GLIS3: variants seen among roughly 807,000 people sequenced by gnomAD.
The protein encoded by GLIS3 is GLIS family zinc finger 3.
Under a neutral mutation model 78.6 loss-of-function variants are expected in GLIS3, and 53 were observed. That is an observed-to-expected ratio of 0.67 (90% confidence interval 0.54 to 0.85). GLIS3 has a LOEUF of 0.85. Among genes scored for constraint, GLIS3 ranks in the 40% least tolerant of loss-of-function variants. The probability of loss-of-function intolerance (pLI) is 0.00; values close to 1 mark genes in which losing one functional copy is unlikely to be tolerated. For synonymous variants in GLIS3, 684 were observed against 509.9 expected (o/e 1.34, Z -4.60); for missense variants, 1,703 against 1,231.1 (o/e 1.38, Z -5.74).
the GLIS3 span, among the ~76,000 whole-genome samples, chr9:4,432,619 G>A: frequency 2.0e-5 from 3 of 149,662 alleles, no homozygotes; most frequent in Non-Finnish European, 4.4e-5. Flanking sequence ...TTGAAAAACA[G>A]ACTATATTTT....
chr9:4,206,285 A>C (rs1179586914), intron 2 of GLIS3, among the ~76,000 whole-genome samples: 1 of 152,236 alleles, frequency 6.6e-6, no homozygotes, highest in Non-Finnish European at 1.5e-5. Flanking sequence ...CTGTGGAAAG[A>C]AAAAAGCTCA....
intron 2 of GLIS3, among the ~76,000 whole-genome samples, chr9:4,253,418 C>G (rs1035072819): frequency 3.9e-5 from 6 of 152,200 alleles, no homozygotes; most frequent in Non-Finnish European, 7.3e-5. Flanking sequence ...GAGGGGAAAA[C>G]CACCTACTCA....
chr9:4,427,432 C>T, the GLIS3 span, among the ~76,000 whole-genome samples: 1 of 152,120 alleles, frequency 6.6e-6, no homozygotes, highest in Non-Finnish European at 1.5e-5. Context: ...TTCCATCTGA[C>T]ATCAAACTTC....
Position 4,288,788 on chromosome 9 carries a change from G to T in GLIS3, c.-98-2265C>A, listed in dbSNP as rs538286384. 4.6e-5 allele frequency among the ~76,000 whole-genome samples: 7 copies of T among 152,062 alleles called. No homozygotes were observed. The South Asian group carries it at 1.5e-3, about 32-fold the overall frequency. ...AAATTTTATTACTAAGAAAGCAACA[G>T]CCAGAAAGTAAAGTGATTAATACCA... is the stretch of plus-strand genomic sequence containing the variant. On this transcript the variant is annotated intron_variant, in intron 1 of 10. Transcript: ENST00000381971.
At chr9:3,924,239 TC>T (rs1179446399) in intron 6 of GLIS3, among the ~76,000 whole-genome samples, 3 of 152,212 alleles carry the variant, frequency 2.0e-5, no homozygotes, top group Non-Finnish European at 4.4e-5. Context: ...GGAAAATATT[TC>T]CAAGGATATT....
At chr9:4,411,264 C>T in the GLIS3 span, among the ~76,000 whole-genome samples, 1 of 152,154 alleles carries the variant, frequency 6.6e-6, no homozygotes, top group Non-Finnish European at 1.5e-5. Flanking sequence ...ATAATGACTT[C>T]TGTCCTTCAC....
chr9:4,484,270 C>G, the GLIS3 span, among the ~76,000 whole-genome samples: 1 of 148,278 alleles, frequency 6.7e-6, no homozygotes, highest in Non-Finnish European at 1.5e-5. Flanking sequence ...CGGAGTCTCG[C>G]TCTGTCGCCC....
intron 4 of GLIS3, chr9:4,071,490 C>G (rs534498994): frequency 6.6e-6 from 1 of 152,300 alleles, no homozygotes; most frequent in South Asian, 2.1e-4. Flanking sequence ...TTGAAATAAA[C>G]TATTTCTAAT....
the GLIS3 span, among the ~76,000 whole-genome samples, chr9:4,459,558 G>A: frequency 6.6e-6 from 1 of 152,380 alleles, no homozygotes; most frequent in South Asian, 2.1e-4. Context: ...AAGCCCAGGA[G>A]CTCGTGACCA....
In GLIS3 at chr9:4,016,687, ATGTGGACTTGAAAACACTCCTCCAC is replaced by A. The variant is rs555462509; in HGVS notation, c.1711-79523_1711-79499del. Among the ~76,000 whole-genome samples the A allele has an allele frequency of 2.5e-3, 379 of 152,288 alleles. 7 individuals are homozygous for A. The highest frequency in any genetic ancestry group is 0.023 in the Admixed American group (349 of 15,296). On this transcript the variant is annotated intron_variant, in intron 4 of 10. Coordinates refer to ENST00000381971, the MANE Select transcript of GLIS3 (RefSeq NM_001042413.2). ...GTCTTTCCACAATTGCTCTGCTCTG[ATGTGGACTTGAAAACACTCCTCCAC>A]ATGGATGCACTAAATCACCCAGCAT...
intron 4 of GLIS3, among the ~76,000 whole-genome samples, chr9:3,994,893 A>G (rs909832896): frequency 3.3e-5 from 5 of 149,648 alleles, no homozygotes; most frequent in African/African-American, 1.3e-4. Flanking sequence ...GGAATGCCTC[A>G]GAGGCCAGAA....
intron 2 of GLIS3, among the ~76,000 whole-genome samples, chr9:4,135,126 TA>T (rs1021655568): frequency 2.6e-5 from 4 of 152,228 alleles, no homozygotes; most frequent in African/African-American, 7.2e-5. Flanking sequence ...ATTTCATCCC[TA>T]AGGTTTATTA....
chr9:4,126,051 T>C (rs1832551189), intron 2 of GLIS3, 110 bp from the exon 3 acceptor site: 3 of 835,618 alleles, frequency 3.6e-6, no homozygotes, highest in Non-Finnish European at 2.0e-6. Context: ...AGTCCTCAGA[T>C]CATTTTTTTT....
At chr9:3,843,529 T>A (rs1818849565) in intron 9 of GLIS3, among the ~76,000 whole-genome samples, 1 of 152,222 alleles carries the variant, frequency 6.6e-6, no homozygotes, top group African/African-American at 2.4e-5. Context: ...GTTATCTCCA[T>A]CTGGCTACCA....
At chr9:4,265,375 G>A (rs867840717) in intron 2 of GLIS3, among the ~76,000 whole-genome samples, 1 of 146,160 alleles carries the variant, frequency 6.8e-6, no homozygotes, top group Non-Finnish European at 1.5e-5. Context: ...AGGTTTCTAT[G>A]AGGTAGGTAC....
At chr9:4,321,022 G>C (rs1010178064) in intron 2 of GLIS3, among the ~76,000 whole-genome samples, 1 of 151,802 alleles carries the variant, frequency 6.6e-6, no homozygotes, top group African/African-American at 2.4e-5. Context: ...CTAGACCCCA[G>C]CCATTTCTGC....
chr9:4,149,325 C>G (rs1586812869), intron 2 of GLIS3, among the ~76,000 whole-genome samples: 1 of 152,134 alleles, frequency 6.6e-6, no homozygotes, highest in Admixed American at 6.6e-5. Flanking sequence ...GCTTGAAGAC[C>G]ATATTAACCT....
the GLIS3 span, among the ~76,000 whole-genome samples, chr9:4,480,050 C>A: frequency 1.3e-5 from 2 of 151,638 alleles, no homozygotes; most frequent in Non-Finnish European, 2.9e-5. Flanking sequence ...GCGTGAGCCA[C>A]GGCGCCTGGC....
intron 4 of GLIS3, among the ~76,000 whole-genome samples, chr9:3,998,742 T>C (rs893045377): frequency 1.3e-5 from 2 of 149,568 alleles, no homozygotes; most frequent in Non-Finnish European, 3.0e-5. Context: ...TCCTTTATGG[T>C]TTTAATTTTA....
Sources: gnomAD v4.1 joint callset for allele counts (sites outside exome capture counted in the v4.1 genomes callset) on GRCh38, gnomAD v4.1.1 for gene constraint, MANE v1.5 for transcripts, NCBI Gene and HGNC (gene_info 2026-07-23, HGNC 2026-07-21) for gene names.